The following CA2 variants were observed in gnomAD, a reference collection of about 807,000 sequenced individuals.
CA2 encodes the protein carbonic anhydrase 2.
A neutral mutation model predicts 27.8 loss-of-function variants in CA2; 23 were observed. That is an observed-to-expected ratio of 0.83 (90% CI 0.59 to 1.17). The LOEUF is 1.17. CA2 is among the 50% of genes most tolerant of loss of function. The probability of loss-of-function intolerance (pLI) is 0.00; values close to 1 mark genes in which losing one functional copy is unlikely to be tolerated. For missense variants in CA2, 300 were observed against 314.7 expected (o/e 0.95, Z 0.35); for synonymous variants, 99 against 114.9 (o/e 0.86, Z 0.88).
intron 2 of CA2, among the ~76,000 whole-genome samples, chr8:85,472,159 GAACA>G (rs961454676): frequency 5.3e-5 from 8 of 152,138 alleles, no homozygotes; most frequent in African/African-American, 1.7e-4. Flanking sequence ...TGAAGCTCAT[GAACA>G]AATCTTGTTG....
At chr8:85,477,527 T>C (rs1230288009) in intron 6 of CA2, among the ~76,000 whole-genome samples, 1 of 144,510 alleles carries the variant, frequency 6.9e-6, no homozygotes, top group African/African-American at 2.7e-5. Flanking sequence ...GAAAGATGTC[T>C]GTCACCTAAT....
intron 1 of CA2, 107 bp downstream of exon 1, chr8:85,464,222 GT>G: frequency 9.4e-7 from 1 of 1,066,158 alleles, no homozygotes; most frequent in Non-Finnish European, 1.3e-6. Context: ...CGCACATGCT[GT>G]TTACCGCGGC....
intron 6 of CA2, among the ~76,000 whole-genome samples, chr8:85,478,751 A>G (rs556329557): frequency 2.5e-4 from 38 of 152,312 alleles, no homozygotes; most frequent in East Asian, 1.9e-4. Context: ...AATCTGGAGG[A>G]AGGATCATGC....
At chr8:85,479,169 A>G (rs995837303) in intron 6 of CA2, among the ~76,000 whole-genome samples, 9 of 152,048 alleles carry the variant, frequency 5.9e-5, no homozygotes, top group African/African-American at 2.2e-4. Flanking sequence ...TGCTACCTTT[A>G]TTTTCTATAC....
At chr8:85,477,297 C>T (rs1811817194) in intron 6 of CA2, 22 bp downstream of exon 6, 1 of 1,613,864 alleles carries the variant, frequency 6.2e-7, no homozygotes, top group Non-Finnish European at 8.5e-7. Flanking sequence ...AATGACAGGT[C>T]TGTTTACGGG....
Position 85,476,416 on chromosome 8 carries a change from C to T in CA2, c.507+556C>T, listed in dbSNP as rs148936764. Among the ~76,000 whole-genome samples the T allele has an allele frequency of 3.9e-5, 6 of 152,258 alleles. No individual in the cohort carries two copies. In the East Asian group the frequency reaches 7.7e-4, roughly 20 times the overall value. ...ATGGGGAACTTATCACCAGGGGCAG[C>T]CCTGGCTTTATAAAGCTGATCTTCA... On this transcript the variant is annotated intron_variant, in intron 5 of 6. Transcript: ENST00000285379.
In CA2 at chr8:85,474,435, T is replaced by A. The variant is rs1399581420; in HGVS notation, c.444+19T>A. On this transcript the variant is annotated intron_variant, in intron 4 of 6. Transcript: ENST00000285379. ...TTTGAAGGTTAGTTGATGACCCAAT[T>A]CTTTTTTTTCCCTATTTTTAATAAA... The A allele has an allele frequency of 6.5e-7, 1 of 1,536,500 alleles. No homozygotes were observed. Among genetic ancestry groups the A allele is most frequent in the South Asian group, 1.1e-5 (1 of 89,416 alleles).
rs778422080 is a variant in CA2, at chr8:85,480,734, A to G, written c.728A>G (p.Asn243Ser). ...GAACCCGAAGAACTGATGGTGGACA[A>G]CTGGCGCCCAGCTCAGCCACTGAAG... ...EGEPEELMVD[N>S]WRPAQPLKNR... Residue 243 changes from asparagine (N) to serine (S), a missense_variant, in exon 7 of 7, where the codon AAC (asparagine) becomes AGC (serine). Coordinates refer to ENST00000285379, the MANE Select transcript of CA2 (RefSeq NM_000067.3). The G allele has an allele frequency of 1.2e-6, 2 of 1,614,014 alleles. No individual in the cohort carries two copies. Among genetic ancestry groups the G allele is most frequent in the East Asian group, 2.2e-5 (1 of 44,876 alleles).
chr8:85,465,196 G>A (rs1016260263), intron 1 of CA2, 76 bp from the exon 2 acceptor site: 9 of 1,239,300 alleles, frequency 7.3e-6, no homozygotes, highest in African/African-American at 1.5e-5. Context: ...ATTGGCTCCG[G>A]AATGATTGCT....
At chr8:85,465,611 A>T in intron 2 of CA2, 142 bp downstream of exon 2, 1 of 732,172 alleles carries the variant, frequency 1.4e-6, no homozygotes, top group Non-Finnish European at 2.4e-6. Context: ...GATCATTTTC[A>T]TTAGGTCTCA....
At chr8:85,477,813 C>T (rs1289079191) in intron 6 of CA2, among the ~76,000 whole-genome samples, 1 of 152,116 alleles carries the variant, frequency 6.6e-6, no homozygotes, top group Non-Finnish European at 1.5e-5. Flanking sequence ...AGTGTGTGAT[C>T]GTCAAGTGAT....
At chr8:85,465,195 G>A (rs1811607996) in intron 1 of CA2, 77 bp from the exon 2 acceptor site, 2 of 1,228,756 alleles carry the variant, frequency 1.6e-6, no homozygotes, top group Non-Finnish European at 2.4e-6. Context: ...GATTGGCTCC[G>A]GAATGATTGC....
At chr8:85,477,917 G>A (rs1047599284) in intron 6 of CA2, among the ~76,000 whole-genome samples, 2 of 152,182 alleles carry the variant, frequency 1.3e-5, no homozygotes, top group Admixed American at 1.3e-4. Context: ...TTGAAATGTA[G>A]AAAGTGAACA....
chr8:85,475,751 C>T (rs1440283821), intron 4 of CA2, 47 bp from the exon 5 acceptor site: 2 of 1,543,084 alleles, frequency 1.3e-6, no homozygotes, highest in South Asian at 1.1e-5. Context: ...AAAACTGGTA[C>T]AGTACCAACT....
At chr8:85,469,734 A>G (rs867968897) in intron 2 of CA2, among the ~76,000 whole-genome samples, 45 of 152,328 alleles carry the variant, frequency 3.0e-4, no homozygotes, top group African/African-American at 9.1e-4. Flanking sequence ...CAATGCCAGA[A>G]TTATTGGGCC....
Position 85,477,208 on chromosome 8 carries a change from C to T in CA2, c.596C>T (p.Thr199Ile). ...TGGACCTACCCAGGCTCACTGACCA[C>T]CCCTCCTCTTCTGGAATGTGTGACC... is the stretch of plus-strand genomic sequence containing the variant. ...DYWTYPGSLT[T>I]PPLLECVTWI... The change falls in exon 6 of 7, where the codon ACC becomes ATC. Residue 199 changes from threonine to isoleucine, a missense_variant. Thr to Ile is a moderately conservative substitution (Grantham distance 89). Around this residue, in one of 3 missense-constraint regions of CA2, gnomAD observed 173 missense variants for 161.0 expected, o/e 1.07. Coordinates refer to ENST00000285379, the MANE Select transcript of CA2 (RefSeq NM_000067.3). 1 of 1,614,068 alleles carries T rather than the reference C, an allele frequency of 6.2e-7. No individual in the cohort carries two copies. Among genetic ancestry groups the T allele is most frequent in the Non-Finnish European group, 8.5e-7 (1 of 1,179,932 alleles).
At chr8:85,476,778 A>C (rs2130563370) in intron 5 of CA2, among the ~76,000 whole-genome samples, 1 of 152,174 alleles carries the variant, frequency 6.6e-6, no homozygotes, top group South Asian at 2.1e-4. Context: ...ACTTGAAGTC[A>C]CCTCATTTTA....
chr8:85,479,228 G>A (rs967181552), intron 6 of CA2, among the ~76,000 whole-genome samples: 7 of 152,236 alleles, frequency 4.6e-5, no homozygotes, highest in Non-Finnish European at 1.0e-4. Flanking sequence ...GTTGACTAAT[G>A]TGACAGTGTA....
chr8:85,470,776 G>T (rs755151729), intron 2 of CA2, among the ~76,000 whole-genome samples: 1 of 151,818 alleles, frequency 6.6e-6, no homozygotes, highest in Non-Finnish European at 1.5e-5. Flanking sequence ...ATTGGCTGGA[G>T]CTCTTGGTGT....
Sources: allele counts gnomAD v4.1 joint callset (sites outside exome capture counted in the v4.1 genomes callset), GRCh38; gene constraint gnomAD v4.1.1; regional missense constraint gnomAD v4.1.1; transcripts MANE v1.5; gene names NCBI Gene and HGNC (gene_info 2026-07-23, HGNC 2026-07-21).